The following FMNL1 variants were observed in gnomAD, a reference collection of about 807,000 sequenced individuals.
The protein encoded by FMNL1 is formin like 1.
FMNL1 carries 43 observed loss-of-function variants against 121.3 expected under a neutral mutation model. That is an observed-to-expected ratio of 0.35 (90% CI 0.28 to 0.46). The LOEUF is 0.46. Ranked by LOEUF, FMNL1 falls within the 20% of genes least tolerant of loss-of-function variation. FMNL1 has a pLI of 1.00. For synonymous variants in FMNL1, 613 were observed against 613.5 expected (o/e 1.00, Z 0.01); for missense variants, 1,191 against 1,482.4 (o/e 0.80, Z 3.23).
intron 2 of FMNL1, 64 bp downstream of exon 2, chr17:45,230,751 C>A: frequency 1.3e-6 from 2 of 1,536,430 alleles, no homozygotes; most frequent in Non-Finnish European, 1.8e-6. Flanking sequence ...CCTGACCAGG[C>A]TGGGGCTATG....
At chr17:45,224,275 A>G (rs1027977771) in intron 1 of FMNL1, among the ~76,000 whole-genome samples, 1 of 152,172 alleles carries the variant, frequency 6.6e-6, no homozygotes, top group Non-Finnish European at 1.5e-5. Context: ...GGCTTGCCCC[A>G]GGGTGACAAC....
chr17:45,246,669 G>A, intron 26 of FMNL1, 65 bp downstream of exon 26: 2 of 1,478,700 alleles, frequency 1.4e-6, no homozygotes, highest in South Asian at 1.3e-5. Context: ...TGGGAGAACT[G>A]AGGCATGCTG....
chr17:45,245,183 A>G, intron 21 of FMNL1, 70 bp from the exon 22 acceptor site: 2 of 1,611,152 alleles, frequency 1.2e-6, no homozygotes, highest in East Asian at 4.5e-5. Flanking sequence ...CTAGGGGGCC[A>G]CAGTATATAA....
At chr17:45,228,233 G>A (rs1317992139) in intron 1 of FMNL1, among the ~76,000 whole-genome samples, 2 of 152,232 alleles carry the variant, frequency 1.3e-5, no homozygotes, top group South Asian at 2.1e-4. Flanking sequence ...AGTGTTCGGC[G>A]CTGTCAGAGC....
intron 11 of FMNL1, among the ~76,000 whole-genome samples, chr17:45,240,017 C>T (rs2043647507): frequency 6.6e-6 from 1 of 152,210 alleles, no homozygotes; most frequent in Admixed American, 6.5e-5. Flanking sequence ...TCTTGAACTC[C>T]TGACCTTAGG....
At chr17:45,244,701 A>G in intron 19 of FMNL1, 118 bp from the exon 20 acceptor site, 1 of 1,025,426 alleles carries the variant, frequency 9.8e-7, no homozygotes, top group Non-Finnish European at 1.4e-6. Context: ...GCAGGAGTAC[A>G]GTAGGGGCTG....
chr17:45,241,830 C>A lies in FMNL1; in HGVS notation c.1586-17C>A. On this transcript the variant is annotated splice_polypyrimidine_tract_variant and intron_variant, in intron 14 of 26. Coordinates refer to ENST00000331495, the MANE Select transcript of FMNL1 (RefSeq NM_005892.4). The surrounding 1 kb of genome is among the most constrained non-coding windows in gnomAD (Gnocchi z 7.0). ...GCTGACTCGCGCCTCCCCCACGCCG[C>A]GCCCTCGCTGGCTCAGATCTCGCAC... is the stretch of plus-strand genomic sequence containing the variant. The A allele has an allele frequency of 7.1e-7, 1 of 1,414,798 alleles. No homozygotes were observed. Among genetic ancestry groups the A allele is most frequent in the South Asian group, 1.5e-5 (1 of 66,328 alleles). The allele number at this position is 1,414,798 out of a possible 1,614,324, so 87.6% of individuals were successfully genotyped here. A position where few individuals can be genotyped will look rare whatever the true frequency, so the allele number is the denominator to read the frequency against.
At chr17:45,234,383 G>A (rs1598192812) in intron 6 of FMNL1, 183 bp downstream of exon 6, 2 of 1,039,676 alleles carry the variant, frequency 1.9e-6, no homozygotes, top group Non-Finnish European at 2.8e-6. Flanking sequence ...TCAGGGGTGG[G>A]GCTGGGTGCT....
In FMNL1 at chr17:45,245,561, G is replaced by A. The variant is rs1477245514; in HGVS notation, c.2893-71G>A. On this transcript the variant is annotated intron_variant, in intron 22 of 26. Coordinates refer to ENST00000331495, the MANE Select transcript of FMNL1 (RefSeq NM_005892.4). ...CCCTGCCTGGGAGGAGCTCAGATCAGGTGGCCAGTGTCCTGAGGGGTACAG... is the reference window on the plus strand; with the variant it reads ...CCCTGCCTGGGAGGAGCTCAGATCAAGTGGCCAGTGTCCTGAGGGGTACAG... 11 of 1,603,716 alleles carry A rather than the reference G, an allele frequency of 6.9e-6. No homozygotes were observed. The Admixed American group carries it at 1.5e-4, about 22-fold the overall frequency.
intron 7 of FMNL1, 24 bp downstream of exon 7, chr17:45,236,268 G>T (rs1292288196): frequency 6.2e-7 from 1 of 1,600,440 alleles, no homozygotes; most frequent in Admixed American, 1.7e-5. Flanking sequence ...CATGGGACTG[G>T]CGACTAGGGA....
chr17:45,245,941 AC>A lies in FMNL1; in HGVS notation c.3062del (p.Pro1021ArgfsTer26). 1 of 1,583,154 alleles carries A rather than the reference AC, an allele frequency of 6.3e-7. No homozygotes were observed. Among genetic ancestry groups the A allele is most frequent in the Non-Finnish European group, 8.6e-7 (1 of 1,168,976 alleles). On this transcript the variant is annotated frameshift_variant, in exon 24 of 27. Transcript: ENST00000331495. LOFTEE classifies it high-confidence loss of function. ...CGCTGCCCAGGAGGCAGGCGCTGAT[AC>A]CCCGGGCAAAGGGGAGCCCCCAGCA... ...EAAAQEAGAD[T>X]PGKGEPPAPK...
intron 6 of FMNL1, among the ~76,000 whole-genome samples, chr17:45,235,328 G>A (rs1479302884): frequency 6.6e-6 from 1 of 152,214 alleles, no homozygotes; most frequent in East Asian, 1.9e-4. Flanking sequence ...CCCAGAAAAG[G>A]TGACGCTGGA....
intron 26 of FMNL1, 25 bp downstream of exon 26, chr17:45,246,629 T>C (rs2043844363): frequency 1.9e-6 from 3 of 1,565,344 alleles, no homozygotes; most frequent in Non-Finnish European, 2.6e-6. Flanking sequence ...TGGCCTCTGA[T>C]ACCACGCTGC....
At chr17:45,244,773 T>C in intron 19 of FMNL1, 46 bp from the exon 20 acceptor site, 1 of 1,571,896 alleles carries the variant, frequency 6.4e-7, no homozygotes, top group Non-Finnish European at 8.6e-7. Flanking sequence ...TTAAGCGGTG[T>C]CCTCAGCTCT....
chr17:45,246,032 C>A, intron 24 of FMNL1, 59 bp downstream of exon 24: 1 of 1,515,248 alleles, frequency 6.6e-7, no homozygotes, highest in Admixed American at 2.3e-5. Context: ...ATCTCATCAC[C>A]CTCTGGTGCC....
rs545470385 is a variant in FMNL1, at chr17:45,246,753, C to A, written c.*9-114C>A. ...GGGTCTGGCAAACATAAACGGTACC[C>A]CTGCCATGTGCACACAATCTGAGTC... On this transcript the variant is annotated intron_variant, in intron 26 of 26. Transcript: ENST00000331495. 2.2e-5 allele frequency: 17 copies of A among 787,634 alleles called. No homozygotes were observed. The Middle Eastern group carries it at 6.9e-4, about 32-fold the overall frequency. 48.8% of individuals were successfully genotyped at this position (787,634 alleles called of 1,614,324 possible).
chr17:45,232,073 C>G (rs1195552830), intron 2 of FMNL1, among the ~76,000 whole-genome samples: 1 of 152,134 alleles, frequency 6.6e-6, no homozygotes, highest in Non-Finnish European at 1.5e-5. Context: ...ACCTGGGAGG[C>G]TGAGGTAGGA....
At chr17:45,232,109 G>A (rs1195632341) in intron 2 of FMNL1, among the ~76,000 whole-genome samples, 3 of 152,176 alleles carry the variant, frequency 2.0e-5, no homozygotes, top group Non-Finnish European at 4.4e-5. Context: ...GGGAGTAGGA[G>A]GCTCCAGTGA....
chr17:45,242,385 C>G lies in FMNL1; in HGVS notation c.1930C>G (p.Leu644Val). The change falls in exon 16 of 27, where the codon CTC becomes GTC. Residue 644 changes from leucine to valine, a missense_variant. Transcript: ENST00000331495. ...CATCCAGACTAAGTTCCGAATGCCA[C>G]TCTTGAACTGGGTGGCACTGAAACC... ...KPIQTKFRMP[L>V]LNWVALKPSQ... The G allele has an allele frequency of 6.2e-7, 1 of 1,614,142 alleles. No homozygotes were observed. Among genetic ancestry groups the G allele is most frequent in the East Asian group, 2.2e-5 (1 of 44,892 alleles).
Sources: allele counts gnomAD v4.1 joint callset (sites outside exome capture counted in the v4.1 genomes callset), GRCh38; gene constraint gnomAD v4.1.1; non-coding constraint Gnocchi (gnomAD v3.1); transcripts MANE v1.5; gene names NCBI Gene and HGNC (gene_info 2026-07-23, HGNC 2026-07-21).